The following ATE1 variants were observed in gnomAD, a reference collection of about 807,000 sequenced individuals.
ATE1 encodes arginyl-tRNA--protein transferase 1.
A neutral mutation model predicts 70.5 loss-of-function variants in ATE1; 36 were observed. The ratio of observed to expected loss-of-function variants is 0.51; its 90% CI spans 0.39 to 0.67. ATE1 has a LOEUF of 0.67. ATE1 is among the 30% of genes least tolerant of loss of function. The pLI, the probability that ATE1 is intolerant of heterozygous loss-of-function variation, is 0.00. For missense variants in ATE1, 593 were observed against 629.5 expected, an observed-to-expected ratio of 0.94 and a Z score of 0.62; for synonymous variants, 232 against 219.3, an observed-to-expected ratio of 1.06 and a Z score of -0.51.
intron 10 of ATE1, among the ~76,000 whole-genome samples, chr10:121,798,797 G>T (rs917565043): frequency 4.6e-5 from 7 of 152,080 alleles, no homozygotes; most frequent in African/African-American, 1.7e-4. Flanking sequence ...TACTCAGGAG[G>T]CTAAGGCAGG....
intron 7 of ATE1, among the ~76,000 whole-genome samples, chr10:121,875,298 G>GTTTTTT (rs1010444765): frequency 5.6e-5 from 5 of 89,480 alleles, no homozygotes; most frequent in South Asian, 4.9e-4. Flanking sequence ...TTTTTTTTTG[G>GTTTTTT]TTTTTTTTTG....
intron 8 of ATE1, among the ~76,000 whole-genome samples, chr10:121,868,573 G>T (rs1250751605): frequency 6.6e-6 from 1 of 152,118 alleles, no homozygotes; most frequent in Non-Finnish European, 1.5e-5. Context: ...TCTGCCAGAC[G>T]CTGTGCTCAG....
At chr10:121,912,363 G>A (rs577318370) in intron 4 of ATE1, among the ~76,000 whole-genome samples, 88 of 151,960 alleles carry the variant, frequency 5.8e-4, no homozygotes, top group African/African-American at 2.1e-3. Context: ...ACAAAAGAAA[G>A]AGAGGCAGCC....
In ATE1 at chr10:121,796,013, T is replaced by C. The variant is rs1590323923; in HGVS notation, c.1258-5724A>G. Among the ~76,000 whole-genome samples the C allele has an allele frequency of 1.3e-5, 2 of 152,214 alleles. 1 individual carries two copies. Among genetic ancestry groups the C allele is most frequent in the East Asian group, 3.8e-4 (2 of 5,202 alleles). ...TAATTCTTTCCTAGGGTGCTGACTTTTTGTAAATAAGAAGAAATGAGTTAC... is the reference window on the plus strand; with the variant it reads ...TAATTCTTTCCTAGGGTGCTGACTTCTTGTAAATAAGAAGAAATGAGTTAC... On this transcript the variant is annotated intron_variant, in intron 10 of 11. Transcript: ENST00000224652.
chr10:121,771,019 A>G (rs1445765114), intron 11 of ATE1, among the ~76,000 whole-genome samples: 1 of 152,152 alleles, frequency 6.6e-6, no homozygotes, highest in East Asian at 1.9e-4. Context: ...CCCTCAAAAA[A>G]TGCCACAAAA....
At chr10:121,895,034 A>G (rs1228571647) in intron 7 of ATE1, among the ~76,000 whole-genome samples, 9 of 152,214 alleles carry the variant, frequency 5.9e-5, no homozygotes, top group East Asian at 1.9e-4. Flanking sequence ...CACTTTACAC[A>G]TGCTACAAGT....
rs552643276 is a variant in ATE1 at position 121,743,945 on chromosome 10, A to G, written c.1379-87T>C. The G allele has an allele frequency of 4.6e-4, 560 of 1,224,542 alleles. 1 individual carries two copies. Among genetic ancestry groups the G allele is most frequent in the Non-Finnish European group, 5.7e-4 (521 of 921,726 alleles). 75.9% of individuals were successfully genotyped at this position (1,224,542 alleles called of 1,614,324 possible). On this transcript the variant is annotated intron_variant, in intron 11 of 11. Coordinates refer to ENST00000224652, the MANE Select transcript of ATE1 (RefSeq NM_001001976.3). Reference sequence around the variant, plus strand: ...TTTTTTTTTTTTTTTTTTTTGAGACAAGAGTCTTGCTCTGTCGCCCAGGCT... The same window carrying G: ...TTTTTTTTTTTTTTTTTTTTGAGACGAGAGTCTTGCTCTGTCGCCCAGGCT...
intron 11 of ATE1, among the ~76,000 whole-genome samples, chr10:121,787,481 G>T (rs926306643): frequency 9.9e-5 from 15 of 152,262 alleles, no homozygotes; most frequent in Non-Finnish European, 1.8e-4. Flanking sequence ...TTCAAATAGT[G>T]TCTGGACTGT....
intron 10 of ATE1, among the ~76,000 whole-genome samples, chr10:121,830,940 C>T (rs756791648): frequency 1.1e-4 from 17 of 152,130 alleles, no homozygotes; most frequent in Non-Finnish European, 2.5e-4. Context: ...GATTGTCTTT[C>T]TCTACTTTGG....
chr10:121,770,233 A>ACACACAC (rs1945449751), intron 11 of ATE1, among the ~76,000 whole-genome samples: 1 of 136,826 alleles, frequency 7.3e-6, no homozygotes, highest in East Asian at 2.1e-4. Flanking sequence ...ACAAGAGAGA[A>ACACACAC]ACACACACAC....
At chr10:121,855,661 A>G (rs1046872173) in intron 8 of ATE1, among the ~76,000 whole-genome samples, 1 of 152,220 alleles carries the variant, frequency 6.6e-6, no homozygotes, top group Admixed American at 6.5e-5. Context: ...TAAACAGAAG[A>G]GCTCTGTAAA....
chr10:121,915,896 A>C (rs112814358), intron 3 of ATE1, among the ~76,000 whole-genome samples: 4,360 of 148,394 alleles, frequency 0.029, 167 homozygotes, highest in African/African-American at 0.089. Context: ...ATCTCAAAAA[A>C]AAAACAAAAC....
intron 11 of ATE1, 92 bp downstream of exon 11, chr10:121,790,077 C>A (rs1946373806): frequency 1.3e-6 from 2 of 1,539,100 alleles, no homozygotes; most frequent in African/African-American, 1.4e-5. Context: ...ATATACAAAG[C>A]TACCTGGACC....
chr10:121,830,952 C>T (rs1948212231), intron 10 of ATE1, among the ~76,000 whole-genome samples: 1 of 152,170 alleles, frequency 6.6e-6, no homozygotes, highest in Admixed American at 6.5e-5. Flanking sequence ...CTACTTTGGA[C>T]TGTAGCTCAG....
chr10:121,842,626 T>C (rs568423822), intron 8 of ATE1, among the ~76,000 whole-genome samples: 15 of 152,248 alleles, frequency 9.9e-5, no homozygotes, highest in African/African-American at 3.4e-4. Flanking sequence ...AATTATACCA[T>C]GAACAAAAGA....
intron 10 of ATE1, among the ~76,000 whole-genome samples, chr10:121,821,086 C>T (rs1401929567): frequency 2.6e-5 from 4 of 152,178 alleles, no homozygotes; most frequent in Admixed American, 1.3e-4. Flanking sequence ...GGACTACAGG[C>T]GCCCACCACC....
At chr10:121,890,132 A>C (rs147996890) in intron 7 of ATE1, among the ~76,000 whole-genome samples, 1 of 152,306 alleles carries the variant, frequency 6.6e-6, no homozygotes, top group South Asian at 2.1e-4. Context: ...TTCAAAGTAG[A>C]AAGTTAAGGA....
At chr10:121,869,820 A>T (rs550852227) in intron 8 of ATE1, among the ~76,000 whole-genome samples, 186 bp downstream of exon 8, 16 of 152,352 alleles carry the variant, frequency 1.1e-4, no homozygotes, top group African/African-American at 3.6e-4. Context: ...TGCTATTGAT[A>T]TAACTTCTAG....
intron 11 of ATE1, among the ~76,000 whole-genome samples, chr10:121,787,921 A>G (rs1335087564): frequency 6.6e-6 from 1 of 152,240 alleles, no homozygotes; most frequent in African/African-American, 2.4e-5. Flanking sequence ...ATGTAAGAAG[A>G]AATGCAACCT....
Sources: gnomAD v4.1 joint callset for allele counts (sites outside exome capture counted in the v4.1 genomes callset) on GRCh38, gnomAD v4.1.1 for gene constraint, MANE v1.5 for transcripts, NCBI Gene and HGNC (gene_info 2026-07-23, HGNC 2026-07-21) for gene names.